The following EP400 variants were observed in gnomAD, a reference collection of about 807,000 sequenced individuals.
EP400 encodes E1A-binding protein p400.
EP400 carries 105 observed loss-of-function variants against 354.1 expected under a neutral mutation model. That is an observed-to-expected ratio of 0.30 (90% CI 0.25 to 0.35). EP400 has a LOEUF of 0.35. Among genes scored for constraint, EP400 ranks in the 10% least tolerant of loss-of-function variants. EP400 has a pLI of 1.00. For missense variants in EP400, 3,280 were observed against 4,121.0 expected, an observed-to-expected ratio of 0.80 and a Z score of 5.59; for synonymous variants, 1,646 against 1,716.9, an observed-to-expected ratio of 0.96 and a Z score of 1.02.
Position 132,029,445 on chromosome 12 carries a change from C to T in EP400, c.5382-256C>T. 1 of 540,380 alleles carries T rather than the reference C, an allele frequency of 1.9e-6. No homozygotes were observed. 33.5% of individuals were successfully genotyped at this position (540,380 alleles called of 1,614,324 possible). ...CCTGGTGCCTGCGGCCTAGGGAATC[C>T]ACCCCCATTGATCCATCAGCCCTGG... On this transcript the variant is annotated intron_variant, in intron 27 of 52. Coordinates refer to ENST00000389561, the MANE Select transcript of EP400 (RefSeq NM_015409.5). The surrounding 1 kb of genome is among the most constrained non-coding windows in gnomAD (Gnocchi z 4.7).
At chr12:132,069,838 C>T (rs1896017114) in intron 51 of EP400, among the ~76,000 whole-genome samples, 197 bp downstream of exon 51, 1 of 152,220 alleles carries the variant, frequency 6.6e-6, no homozygotes, top group Admixed American at 6.5e-5. Flanking sequence ...GGGCCTGTTC[C>T]AGCTGTCGCC....
intron 2 of EP400, among the ~76,000 whole-genome samples, chr12:131,969,622 T>TTGTA (rs1892221858): frequency 6.6e-6 from 1 of 152,146 alleles, no homozygotes; most frequent in Admixed American, 6.5e-5. Context: ...AAAGTGCACC[T>TTGTA]TGTATATATA....
intron 29 of EP400, 21 bp downstream of exon 29, chr12:132,030,179 AT>A (rs757922240): frequency 6.2e-7 from 1 of 1,613,106 alleles, no homozygotes; most frequent in African/African-American, 1.3e-5. Flanking sequence ...CATTGTTTAC[AT>A]TGTCTCTGAT....
At chr12:132,059,673 G>T (rs1351002735) in intron 45 of EP400, among the ~76,000 whole-genome samples, 1 of 152,222 alleles carries the variant, frequency 6.6e-6, no homozygotes, top group Non-Finnish European at 1.5e-5. Flanking sequence ...CACTGGATAG[G>T]CCTGTAAAGA....
chr12:131,984,024 C>T (rs1892770409), intron 5 of EP400, among the ~76,000 whole-genome samples: 1 of 152,048 alleles, frequency 6.6e-6, no homozygotes, highest in Non-Finnish European at 1.5e-5. Flanking sequence ...GCCTCAGCTC[C>T]CGAGTAGCTG....
At chr12:132,065,214 C>T in intron 48 of EP400, 1 of 415,082 alleles carries the variant, frequency 2.4e-6, no homozygotes, top group South Asian at 3.5e-5. Flanking sequence ...GCCTGTGTGG[C>T]TGGAGCAGAG....
intron 24 of EP400, 52 bp downstream of exon 24, chr12:132,023,993 A>C: frequency 6.7e-7 from 1 of 1,493,052 alleles, no homozygotes; most frequent in Non-Finnish European, 8.9e-7. Flanking sequence ...AAAGCGCCTC[A>C]CCATGAGCCC....
intron 15 of EP400, among the ~76,000 whole-genome samples, chr12:132,008,750 T>C (rs1303288339): frequency 2.0e-5 from 3 of 151,040 alleles, no homozygotes; most frequent in Non-Finnish European, 4.4e-5. Context: ...CCCAAGTAGC[T>C]GGGACTACAG....
intron 6 of EP400, 70 bp downstream of exon 6, chr12:131,986,877 A>G: frequency 6.6e-7 from 1 of 1,512,484 alleles, no homozygotes; most frequent in Non-Finnish European, 8.9e-7. Context: ...AATTGTCAAG[A>G]ATGTGATGGC....
intron 41 of EP400, among the ~76,000 whole-genome samples, chr12:132,051,860 C>A (rs1895302762): frequency 6.6e-6 from 1 of 152,100 alleles, no homozygotes; most frequent in Admixed American, 6.5e-5. Context: ...GGGTGTTTTT[C>A]CTTGACACTA....
At position 131,986,624 on chromosome 12, in the gene EP400, C is replaced by T; in HGVS notation, c.2040C>T (p.Pro680=). The stretch of plus-strand genomic sequence containing the variant: ...CTGTGAGTGGCTCCGGCCCAGGACC[C>T]TCCCCTGCTCGATCCTCTCCAGTAA... ...LAPVSGSGPG[P]SPARSSPVNR... The change falls in exon 6 of 53, where the codon CCC becomes CCT. Residue 680 remains proline (P), a synonymous_variant. Transcript: ENST00000389561. The T allele has an allele frequency of 1.2e-6, 2 of 1,614,096 alleles. No individual in the cohort carries two copies. Among genetic ancestry groups the T allele is most frequent in the Non-Finnish European group, 1.7e-6 (2 of 1,180,016 alleles).
In EP400 at chr12:132,062,677, C is replaced by A; in HGVS notation, c.8310C>A (p.Ile2770=). The change falls in exon 47 of 53, where the codon ATC becomes ATA. Residue 2770 remains isoleucine, a synonymous_variant. Transcript: ENST00000389561. ...GCCAGGCCCAGTCCCCAGCACAGAT[C>A]AAAGCTGTGGGCAAGCTGACGCCGG... ...IQGQAQSPAQ[I]KAVGKLTPEH... is the part of the protein sequence containing the mutation. 2 of 1,613,998 alleles carry A rather than the reference C, an allele frequency of 1.2e-6. No homozygotes were observed. Among genetic ancestry groups the A allele is most frequent in the South Asian group, 2.2e-5 (2 of 91,086 alleles).
At chr12:131,978,983 G>A (rs1384512440) in intron 2 of EP400, among the ~76,000 whole-genome samples, 5 of 152,174 alleles carry the variant, frequency 3.3e-5, no homozygotes, top group Non-Finnish European at 5.9e-5. Context: ...TTGGGAGGCC[G>A]AGGCAGGCGG....
At chr12:132,015,449 A>G (rs904605736) in intron 19 of EP400, among the ~76,000 whole-genome samples, 1 of 152,220 alleles carries the variant, frequency 6.6e-6, no homozygotes, top group African/African-American at 2.4e-5. Context: ...AACTTTATGC[A>G]GGTTTTGAGC....
At position 131,979,332 on chromosome 12, in the gene EP400, T is replaced by G. The variant is rs560958648; in HGVS notation, c.1336-362T>G. 2.6e-5 allele frequency among the ~76,000 whole-genome samples: 4 copies of G among 152,366 alleles called. No homozygotes were observed. In the East Asian group the frequency reaches 7.7e-4, roughly 29 times the overall value. On this transcript the variant is annotated intron_variant, in intron 2 of 52. Coordinates refer to ENST00000389561, the MANE Select transcript of EP400 (RefSeq NM_015409.5). ...TTCGGTGTTTTTGGATGTGAAGTTA[T>G]GCTGGGCAGTGTGACTGATGAGTCG...
intron 5 of EP400, among the ~76,000 whole-genome samples, chr12:131,983,688 T>G (rs183754680): frequency 5.8e-4 from 89 of 152,332 alleles, no homozygotes; most frequent in African/African-American, 2.0e-3. Context: ...GGTTTTTGTT[T>G]GTTTGTTTTG....
chr12:131,982,587 G>A, intron 5 of EP400, 109 bp downstream of exon 5: 1 of 1,386,914 alleles, frequency 7.2e-7, no homozygotes, highest in Non-Finnish European at 9.7e-7. Flanking sequence ...TTTTCTCTTA[G>A]CAGCTTGCTC....
chr12:132,032,693 C>T lies in EP400; in HGVS notation c.5951+544C>T, dbSNP rs550551420. 7.3e-5 allele frequency among the ~76,000 whole-genome samples: 11 copies of T among 150,852 alleles called. No individual in the cohort carries two copies. The East Asian group carries it at 1.6e-3, about 21-fold the overall frequency. On this transcript the variant is annotated intron_variant, in intron 30 of 52. Transcript: ENST00000389561. Reference sequence around the variant, plus strand: ...TCGCTCAGGCGGTAGTGCAGTGGCACGATCTTGGCTCACCGCGACCTCTGT... The same window carrying T: ...TCGCTCAGGCGGTAGTGCAGTGGCATGATCTTGGCTCACCGCGACCTCTGT...
At chr12:131,987,981 CACT>C in intron 7 of EP400, 91 bp downstream of exon 7, 1 of 714,496 alleles carries the variant, frequency 1.4e-6, no homozygotes, top group Non-Finnish European at 2.0e-6. Context: ...TCTCCAGACC[CACT>C]TTTTTTTTTT....
Sources: allele counts gnomAD v4.1 joint callset (sites outside exome capture counted in the v4.1 genomes callset), GRCh38; gene constraint gnomAD v4.1.1; non-coding constraint Gnocchi (gnomAD v3.1); transcripts MANE v1.5; gene names NCBI Gene and HGNC (gene_info 2026-07-23, HGNC 2026-07-21).